GRB2: variants seen among roughly 807,000 people sequenced by gnomAD.
GRB2 encodes growth factor receptor bound protein 2.
In GRB2, 2 loss-of-function variants were observed where a neutral mutation model predicts 27.4. The ratio of observed to expected loss-of-function variants is 0.07; its 90% CI spans 0.03 to 0.23. The LOEUF (loss-of-function observed/expected upper bound fraction) is 0.23. GRB2 is among the 10% of genes least tolerant of loss of function. The pLI, the probability that GRB2 is intolerant of heterozygous loss-of-function variation, is 1.00. For synonymous variants in GRB2, 94 were observed against 99.6 expected (o/e 0.94, Z 0.33); for missense variants, 102 against 282.4 (o/e 0.36, Z 4.58).
intron 2 of GRB2, among the ~76,000 whole-genome samples, chr17:75,365,552 T>C (rs546439411): frequency 1.3e-5 from 2 of 152,328 alleles, no homozygotes; most frequent in South Asian, 2.1e-4. Flanking sequence ...GTTCACCTTA[T>C]ACAACTGTGG....
chr17:75,347,073 G>A (rs926039458), intron 2 of GRB2, among the ~76,000 whole-genome samples: 2 of 152,072 alleles, frequency 1.3e-5, no homozygotes, highest in Non-Finnish European at 2.9e-5. Context: ...CTCCAGGTTT[G>A]GGCAACTCCT....
chr17:75,335,035 G>A (rs927336909), intron 2 of GRB2, among the ~76,000 whole-genome samples: 3 of 151,594 alleles, frequency 2.0e-5, no homozygotes, highest in Admixed American at 1.3e-4. Flanking sequence ...GAACTCCTGC[G>A]CTCAAGTATC....
At chr17:75,335,147 A>AG (rs2078568631) in intron 2 of GRB2, among the ~76,000 whole-genome samples, 1 of 152,140 alleles carries the variant, frequency 6.6e-6, no homozygotes, top group African/African-American at 2.4e-5. Flanking sequence ...GCCGCAGGTA[A>AG]GGGGGGACTA....
At chr17:75,400,698 A>G (rs1567878749) in intron 1 of GRB2, among the ~76,000 whole-genome samples, 2 of 149,298 alleles carry the variant, frequency 1.3e-5, no homozygotes, top group Non-Finnish European at 1.5e-5. Flanking sequence ...TTTTCAAATA[A>G]AGACGAGGTT....
chr17:75,321,867 C>A, intron 4 of GRB2, 40 bp from the exon 5 acceptor site: 4 of 1,602,116 alleles, frequency 2.5e-6, no homozygotes, highest in Non-Finnish European at 3.4e-6. Flanking sequence ...GCTAAAGGCT[C>A]TAACTTGGCA....
intron 1 of GRB2, chr17:75,394,705 A>C (rs1403899030): frequency 2.0e-5 from 3 of 152,300 alleles, no homozygotes; most frequent in Non-Finnish European, 4.4e-5. Flanking sequence ...AAGAAAGTGC[A>C]GGGAGATGGT....
chr17:75,354,017 G>A lies in GRB2; in HGVS notation c.79-21220C>T, dbSNP rs574683037. On this transcript the variant is annotated intron_variant, in intron 2 of 5. Coordinates refer to ENST00000316804, the MANE Select transcript of GRB2 (RefSeq NM_002086.5). ...ATCACACCACTGTACTCCAGCCTGG[G>A]TGACAGAGCGAGACTCTGTCTCAAA... Among the ~76,000 whole-genome samples the A allele has an allele frequency of 6.2e-4, 75 of 120,904 alleles. 1 individual carries two copies. The highest frequency in any genetic ancestry group is 1.8e-3 in the African/African-American group (72 of 40,174). The allele number at this position is 120,904 out of a possible 152,430, so 79.3% of individuals were successfully genotyped here.
At chr17:75,384,920 G>A (rs1238672393) in intron 2 of GRB2, among the ~76,000 whole-genome samples, 1 of 151,012 alleles carries the variant, frequency 6.6e-6, no homozygotes, top group African/African-American at 2.4e-5. Context: ...TACAGAGGCC[G>A]GGCGCGGTAG....
chr17:75,391,073 C>G (rs1295226495), intron 2 of GRB2, among the ~76,000 whole-genome samples: 1 of 152,124 alleles, frequency 6.6e-6, no homozygotes, highest in African/African-American at 2.4e-5. Flanking sequence ...AAAGCATGTT[C>G]CTCCTCTTCA....
intron 1 of GRB2, among the ~76,000 whole-genome samples, chr17:75,398,428 A>G (rs1014348739): frequency 6.7e-6 from 1 of 149,834 alleles, no homozygotes; most frequent in Non-Finnish European, 1.5e-5. Flanking sequence ...ACCATAGCCT[A>G]CTCATTTTTT....
intron 2 of GRB2, among the ~76,000 whole-genome samples, chr17:75,385,827 G>A (rs1235162813): frequency 1.3e-5 from 2 of 152,190 alleles, no homozygotes; most frequent in African/African-American, 4.8e-5. Context: ...CTGTGCAAGT[G>A]TAGGCATTAT....
intron 1 of GRB2, among the ~76,000 whole-genome samples, chr17:75,399,037 T>C (rs2079046631): frequency 6.6e-6 from 1 of 151,110 alleles, no homozygotes; most frequent in Non-Finnish European, 1.5e-5. Context: ...CGTGAGCCAC[T>C]GCGCCCAGCC....
intron 1 of GRB2, 80 bp downstream of exon 1, chr17:75,405,409 T>C (rs990598789): frequency 6.6e-6 from 1 of 151,990 alleles, no homozygotes; most frequent in Non-Finnish European, 1.5e-5. Flanking sequence ...CCGGTCCCGG[T>C]TCCCCCGGGG....
rs142154926 is a variant in GRB2, at chr17:75,366,157, G to C, written c.78+27394C>G. The stretch of plus-strand genomic sequence containing the variant: ...CCTTGCAGCCGTTACAAATTTCAGA[G>C]CAGAACTTGGAAAAAAAAAATCATG... On this transcript the variant is annotated intron_variant, in intron 2 of 5. Coordinates refer to ENST00000316804, the MANE Select transcript of GRB2 (RefSeq NM_002086.5). Among the ~76,000 whole-genome samples, 4 of 150,778 alleles carry C rather than the reference G, an allele frequency of 2.7e-5. No homozygotes were observed. The East Asian group carries it at 7.7e-4, about 29-fold the overall frequency.
chr17:75,364,882 A>G (rs2078809530), intron 2 of GRB2, among the ~76,000 whole-genome samples: 1 of 151,920 alleles, frequency 6.6e-6, no homozygotes, highest in Non-Finnish European at 1.5e-5. Flanking sequence ...TTTGAGGTCC[A>G]TTTAGGAAAA....
chr17:75,385,240 C>T (rs1003800248), intron 2 of GRB2, among the ~76,000 whole-genome samples: 16 of 151,746 alleles, frequency 1.1e-4, no homozygotes, highest in African/African-American at 3.6e-4. Context: ...GACCCTGTTT[C>T]AAAAATGAAA....
chr17:75,360,943 T>C (rs887159121), intron 2 of GRB2, among the ~76,000 whole-genome samples: 38 of 139,838 alleles, frequency 2.7e-4, no homozygotes, highest in Non-Finnish European at 4.3e-4. Flanking sequence ...AATTTTAATT[T>C]TTTTTTTGGT....
At chr17:75,387,148 G>C (rs1480892855) in intron 2 of GRB2, among the ~76,000 whole-genome samples, 5 of 151,622 alleles carry the variant, frequency 3.3e-5, no homozygotes, top group East Asian at 3.9e-4. Context: ...CTGAGGGACA[G>C]AGCGAGACTC....
intron 4 of GRB2, among the ~76,000 whole-genome samples, chr17:75,323,068 G>A (rs953216575): frequency 2.0e-5 from 3 of 149,202 alleles, no homozygotes; most frequent in Admixed American, 6.8e-5. Flanking sequence ...GCAGTGAGCC[G>A]AGATTGGGCC....
Sources: allele counts gnomAD v4.1 joint callset (sites outside exome capture counted in the v4.1 genomes callset), GRCh38; gene constraint gnomAD v4.1.1; transcripts MANE v1.5; gene names NCBI Gene and HGNC (gene_info 2026-07-23, HGNC 2026-07-21).